Variants in RHCG observed in about 807,000 individuals in gnomAD.
RHCG encodes the protein Rh family C glycoprotein, also known as ammonium transporter Rh type C.
RHCG carries 39 observed loss-of-function variants against 55.3 expected under a neutral mutation model. That is an observed-to-expected ratio of 0.70 (90% CI 0.55 to 0.92). The LOEUF is 0.92. Ranked by LOEUF, RHCG falls within the 40% of genes least tolerant of loss-of-function variation. The pLI, the probability that RHCG is intolerant of heterozygous loss-of-function variation, is 0.00. For synonymous variants in RHCG, 250 were observed against 246.8 expected (o/e 1.01, Z -0.12); for missense variants, 635 against 627.9 (o/e 1.01, Z -0.12).
rs375061341 is a variant in RHCG at position 89,477,905 on chromosome 15, G to T, written c.907C>A (p.Pro303Thr). ...AAGCCGATGATGAGGGCACCGTAAG[G>T]CATGAGCATCATCTCAGCAGCGGTA... ...VGTAAEMMLM[P>T]YGALIIGFVC... is the part of the protein sequence containing the mutation. The change falls in exon 6 of 11, where the codon CCT (proline) becomes ACT (threonine). Residue 303 changes from proline to threonine, a missense_variant. Physicochemically the swap from Pro to Thr is conservative, Grantham distance 38. Coordinates refer to ENST00000268122, the MANE Select transcript of RHCG (RefSeq NM_016321.3). The surrounding 1 kb of genome is among the most constrained non-coding windows in gnomAD (Gnocchi z 4.5). The T allele has an allele frequency of 1.2e-6, 2 of 1,613,926 alleles. No individual in the cohort carries two copies. Among genetic ancestry groups the T allele is most frequent in the Admixed American group, 1.7e-5 (1 of 59,990 alleles).
chr15:89,488,721 A>T (rs1961417944), intron 1 of RHCG, among the ~76,000 whole-genome samples: 1 of 151,868 alleles, frequency 6.6e-6, no homozygotes, highest in African/African-American at 2.4e-5. Context: ...AAAGGTATTA[A>T]AGTTAATACC....
Position 89,472,754 on chromosome 15 carries a change from G to T in RHCG, c.1421C>A (p.Ser474Ter). The change falls in exon 10 of 11, where the codon TCG becomes TAG. Residue 474 changes from serine (S) to a stop codon, truncating the protein, a stop_gained. Coordinates refer to ENST00000268122, the MANE Select transcript of RHCG (RefSeq NM_016321.3). LOFTEE classifies it high-confidence loss of function. ...GGGAGCCTAGGGTACCAAGGGTACC[G>T]AGGAAGCCATGGGTAGTGGGGACAC... Reference protein sequence around the residue: ...PMVSPLPMASSVPLVP With the variant: ...PMVSPLPMAS 7 of 1,600,052 alleles carry T rather than the reference G, an allele frequency of 4.4e-6. No individual in the cohort carries two copies. Among genetic ancestry groups the T allele is most frequent in the Non-Finnish European group, 6.0e-6 (7 of 1,173,424 alleles).
In RHCG at chr15:89,477,497, C is replaced by T. The variant is rs1293892820; in HGVS notation, c.1112+20G>A. 12 of 1,612,976 alleles carry T rather than the reference C, an allele frequency of 7.4e-6. No individual in the cohort carries two copies. Among genetic ancestry groups the T allele is most frequent in the Admixed American group, 6.7e-5 (4 of 59,988 alleles). Reference sequence around the variant, plus strand: ...AAGGAAGGGGGAAGCTCCATCCCACCGCACCTCCTCCACATTTACCCTTCT... The same window carrying T: ...AAGGAAGGGGGAAGCTCCATCCCACTGCACCTCCTCCACATTTACCCTTCT... On this transcript the variant is annotated intron_variant, in intron 7 of 10. Coordinates refer to ENST00000268122, the MANE Select transcript of RHCG (RefSeq NM_016321.3). The surrounding 1 kb of genome is among the most constrained non-coding windows in gnomAD (Gnocchi z 4.5).
chr15:89,494,406 A>ACCAGCACCACCTTCACTCTCAGAGGTGT (rs1415677431), intron 1 of RHCG, among the ~76,000 whole-genome samples: 11 of 152,136 alleles, frequency 7.2e-5, no homozygotes, highest in African/African-American at 2.7e-4. Context: ...GCAAATTACT[A>ACCAGCACCACCTTCACTCTCAGAGGTGT]CCAGCACCAC....
At chr15:89,483,718 C>G (rs1401257395) in intron 2 of RHCG, among the ~76,000 whole-genome samples, 1 of 152,086 alleles carries the variant, frequency 6.6e-6, no homozygotes, top group Non-Finnish European at 1.5e-5. Context: ...GGGATCTTTC[C>G]TTTACCTTAC....
At chr15:89,485,798 G>A (rs1324653717) in intron 2 of RHCG, among the ~76,000 whole-genome samples, 1 of 152,210 alleles carries the variant, frequency 6.6e-6, no homozygotes, top group African/African-American at 2.4e-5. Context: ...GCTAAAGCAG[G>A]AAAAATCTCC....
chr15:89,481,519 G>T (rs1425116739), intron 3 of RHCG, among the ~76,000 whole-genome samples: 1 of 151,998 alleles, frequency 6.6e-6, no homozygotes. Flanking sequence ...GATGACCCTT[G>T]GAGGCAAAGG....
chr15:89,483,776 C>T (rs1961310947), intron 2 of RHCG, among the ~76,000 whole-genome samples: 1 of 152,016 alleles, frequency 6.6e-6, no homozygotes, highest in East Asian at 1.9e-4. Flanking sequence ...GGCCTTCCTG[C>T]AGGAAGGAGG....
rs1227245854 is a variant in RHCG, at chr15:89,496,545, G to A, written c.-1C>T. On this transcript the variant is annotated 5_prime_UTR_variant, in exon 1 of 11. Coordinates refer to ENST00000268122, the MANE Select transcript of RHCG (RefSeq NM_016321.3). ...AGCGGAGGTTGGTGTTCCAGGCCAT[G>A]CTGCAGGGGTGCCTGGCCGGGCTGG... 1 of 1,608,274 alleles carries A rather than the reference G, an allele frequency of 6.2e-7. No homozygotes were observed. Among genetic ancestry groups the A allele is most frequent in the Non-Finnish European group, 8.5e-7 (1 of 1,177,380 alleles).
In RHCG at chr15:89,486,922, C is replaced by T. The variant is rs1246362973; in HGVS notation, c.248G>A (p.Arg83His). The T allele has an allele frequency of 2.5e-6, 4 of 1,612,542 alleles. No homozygotes were observed. Among genetic ancestry groups the T allele is most frequent in the Non-Finnish European group, 3.4e-6 (4 of 1,178,858 alleles). The stretch of plus-strand genomic sequence containing the variant: ...GAAGCCCACGGCGCTGAAGCCGTAG[C>T]GCTGCAGGAAAGTCATGAGGAAGCC... ...GFGFLMTFLQ[R>H]YGFSAVGFNF... The change falls in exon 2 of 11, where the codon CGC becomes CAC. Residue 83 changes from arginine (R) to histidine (H), a missense_variant. Physicochemically the swap from Arg to His is conservative, Grantham distance 29 (BLOSUM62 0). Transcript: ENST00000268122.
chr15:89,476,375 C>A (rs1437253920), intron 9 of RHCG, among the ~76,000 whole-genome samples: 3 of 152,184 alleles, frequency 2.0e-5, no homozygotes, highest in African/African-American at 7.2e-5. Context: ...TGAGAATTTG[C>A]ATTTCTAACC....
At chr15:89,490,624 G>A (rs1668668981) in intron 1 of RHCG, among the ~76,000 whole-genome samples, 1 of 152,158 alleles carries the variant, frequency 6.6e-6, no homozygotes, top group South Asian at 2.1e-4. Flanking sequence ...GAAAGAGAGG[G>A]AGGTGACAAA....
At position 89,476,793 on chromosome 15, in the gene RHCG, A is replaced by T; in HGVS notation, c.1273T>A (p.Ser425Thr). 6.2e-7 allele frequency: 1 copy of T among 1,614,150 alleles called. No homozygotes were observed. Among genetic ancestry groups the T allele is most frequent in the South Asian group, 1.1e-5 (1 of 91,082 alleles). ...ILRLPFWGQPSDENCFEDAVY... is the reference protein window; with the variant it reads ...ILRLPFWGQPTDENCFEDAVY... ...GCATCCTCAAAGCAGTTCTCATCTG[A>T]AGGTTGTCCCCAGAATGGTAATCTC... The change falls in exon 9 of 11, where the codon TCA (serine) becomes ACA (threonine). Residue 425 changes from serine (S) to threonine (T), a missense_variant. By Grantham distance (58) the Ser-to-Thr change is moderately conservative. Coordinates refer to ENST00000268122, the MANE Select transcript of RHCG (RefSeq NM_016321.3).
At position 89,477,943 on chromosome 15, in the gene RHCG, C is replaced by T; in HGVS notation, c.869G>A (p.Gly290Glu). Residue 290 changes from glycine (G) to glutamate (E), a missense_variant, in exon 6 of 11, where the codon GGG becomes GAG. Transcript: ENST00000268122. The surrounding 1 kb of genome is among the most constrained non-coding windows in gnomAD (Gnocchi z 4.5). Reference sequence around the variant, plus strand: ...CTCAGCAGCGGTACCCACGGCCACCCCTCCTGCGAGCGTGGCATTCTGGAT... The same window carrying T: ...CTCAGCAGCGGTACCCACGGCCACCTCTCCTGCGAGCGTGGCATTCTGGAT... ...VHIQNATLAG[G>E]VAVGTAAEMM... 1 of 1,611,438 alleles carries T rather than the reference C, an allele frequency of 6.2e-7. No homozygotes were observed.
In RHCG at chr15:89,477,745, T is replaced by TCAGCCC. The variant is rs367744165; in HGVS notation, c.975+86_975+91dup. 488 of 1,602,950 alleles carry TCAGCCC rather than the reference T, an allele frequency of 3.0e-4. 3 individuals carry two copies. In the African/African-American group the frequency reaches 5.6e-3, roughly 18 times the overall value. ...CCAGAGACCCAGGATTCTCTAGCCC[T>TCAGCCC]CAGCCCCCTCCCTAGGAACCCTCAG... On this transcript the variant is annotated intron_variant, in intron 6 of 10. Coordinates refer to ENST00000268122, the MANE Select transcript of RHCG (RefSeq NM_016321.3). This position sits in a 1 kb window ranked among gnomAD's most constrained non-coding sequence, Gnocchi z 4.5.
chr15:89,472,918 C>T (rs892314152), intron 9 of RHCG, 55 bp from the exon 10 acceptor site: 3 of 1,390,186 alleles, frequency 2.2e-6, no homozygotes, highest in African/African-American at 3.0e-5. Flanking sequence ...GCAAGGGTGT[C>T]CCTGGTGACT....
At chr15:89,488,412 G>C (rs568178249) in intron 1 of RHCG, among the ~76,000 whole-genome samples, 2 of 152,250 alleles carry the variant, frequency 1.3e-5, no homozygotes, top group African/African-American at 2.4e-5. Flanking sequence ...TGTCTTAAAG[G>C]GTTTCCTTAT....
chr15:89,496,321 C>A, intron 1 of RHCG, 40 bp downstream of exon 1: 1 of 1,608,068 alleles, frequency 6.2e-7, no homozygotes, highest in Non-Finnish European at 8.5e-7. Context: ...GGGACCGGCG[C>A]GGATATGCCT....
At chr15:89,479,671 C>A (rs900793367) in intron 4 of RHCG, 183 bp from the exon 5 acceptor site, 3 of 607,764 alleles carry the variant, frequency 4.9e-6, no homozygotes, top group East Asian at 5.6e-5. Context: ...CCTTACCCCC[C>A]ACTTAGCCTT....
Sources: gnomAD v4.1 joint callset for allele counts (sites outside exome capture counted in the v4.1 genomes callset) on GRCh38, gnomAD v4.1.1 for gene constraint, Gnocchi (gnomAD v3.1) non-coding constraint, MANE v1.5 for transcripts, NCBI Gene and HGNC (gene_info 2026-07-23, HGNC 2026-07-21) for gene names.